The following LHFPL6 variants were observed in gnomAD, a reference collection of about 807,000 sequenced individuals.
The protein encoded by LHFPL6 is LHFPL tetraspan subfamily member 6 protein.
LHFPL6 carries 9 observed loss-of-function variants against 20.6 expected under a neutral mutation model. The observed-to-expected ratio is 0.44, with a 90% CI of 0.26 to 0.76. The LOEUF is 0.76. Ranked by LOEUF, LHFPL6 falls within the 30% of genes least tolerant of loss-of-function variation. The pLI, the probability that LHFPL6 is intolerant of heterozygous loss-of-function variation, is 0.20. For synonymous variants in LHFPL6, 105 were observed against 98.7 expected (o/e 1.06, Z -0.38); for missense variants, 218 against 253.5 (o/e 0.86, Z 0.95).
chr13:39,509,413 G>C (rs7988223), intron 2 of LHFPL6, among the ~76,000 whole-genome samples: 3,571 of 151,918 alleles, frequency 0.024, 141 homozygotes, highest in African/African-American at 0.082. Flanking sequence ...AAGTTTTATA[G>C]TTGGGGTTTG....
chr13:39,421,135 C>G lies in LHFPL6; in HGVS notation c.386-42609G>C, dbSNP rs187525026. Among the ~76,000 whole-genome samples the G allele has an allele frequency of 2.0e-5, 3 of 152,082 alleles. No individual in the cohort carries two copies. The East Asian group carries it at 5.8e-4, about 29-fold the overall frequency. ...AAACTAAATCACAAGTGTGAATGCCCGTTTACTCTCCTGTTATATCCCCTA... is the reference window on the plus strand; with the variant it reads ...AAACTAAATCACAAGTGTGAATGCCGGTTTACTCTCCTGTTATATCCCCTA... On this transcript the variant is annotated intron_variant, in intron 2 of 3. Transcript: ENST00000379589.
At chr13:39,482,448 A>AG (rs1198015525) in intron 2 of LHFPL6, among the ~76,000 whole-genome samples, 1 of 151,500 alleles carries the variant, frequency 6.6e-6, no homozygotes, top group Non-Finnish European at 1.5e-5. Context: ...ATCTTAAAAA[A>AG]AAAAAAAATT....
chr13:39,536,914 G>A (rs914698281), intron 2 of LHFPL6, among the ~76,000 whole-genome samples: 1 of 152,118 alleles, frequency 6.6e-6, no homozygotes, highest in African/African-American at 2.4e-5. Context: ...TTCAACTCCT[G>A]ACCCTTAGCT....
rs988542145 is a variant in LHFPL6, at chr13:39,460,890, A to T, written c.386-82364T>A. The stretch of plus-strand genomic sequence containing the variant: ...CATGTGCAGGTTTGTTACATGGGTA[A>T]ATTACGTGTCATGGGAGTTTGGTAT... On this transcript the variant is annotated intron_variant, in intron 2 of 3. Coordinates refer to ENST00000379589, the MANE Select transcript of LHFPL6 (RefSeq NM_005780.3). Among the ~76,000 whole-genome samples the T allele has an allele frequency of 1.6e-4, 24 of 152,068 alleles. 1 individual carries two copies. Among genetic ancestry groups the T allele is most frequent in the African/African-American group, 4.8e-4 (20 of 41,398 alleles).
chr13:39,388,678 G>A (rs144788357), intron 2 of LHFPL6, among the ~76,000 whole-genome samples: 2 of 152,276 alleles, frequency 1.3e-5, no homozygotes, highest in Non-Finnish European at 2.9e-5. Context: ...AAACAAAGTA[G>A]ACCATCATTA....
chr13:39,405,211 G>A (rs540873311), intron 2 of LHFPL6, among the ~76,000 whole-genome samples: 53 of 152,240 alleles, frequency 3.5e-4, no homozygotes, highest in Middle Eastern at 3.4e-3. Flanking sequence ...TATAAATCAC[G>A]TAGTACAGGC....
intron 2 of LHFPL6, among the ~76,000 whole-genome samples, chr13:39,546,830 CT>C (rs1392568198): frequency 6.6e-6 from 1 of 152,078 alleles, no homozygotes; most frequent in East Asian, 1.9e-4. Context: ...CCAAATTTCT[CT>C]GCTTCCAGTC....
At chr13:39,449,674 T>A (rs1051703275) in intron 2 of LHFPL6, among the ~76,000 whole-genome samples, 7 of 152,118 alleles carry the variant, frequency 4.6e-5, no homozygotes, top group African/African-American at 1.7e-4. Context: ...TTGAGCCAAA[T>A]CATCTAAGCA....
Position 39,601,319 on chromosome 13 carries a change from C to T in LHFPL6, c.-103G>A. 1 of 1,183,912 alleles carries T rather than the reference C, an allele frequency of 8.4e-7. No homozygotes were observed. Among genetic ancestry groups the T allele is most frequent in the African/African-American group, 1.5e-5 (1 of 65,816 alleles). The allele number at this position is 1,183,912 out of a possible 1,614,324, so 73.3% of individuals were successfully genotyped here. A position where few individuals can be genotyped will look rare whatever the true frequency, so the allele number is the denominator to read the frequency against. ...AGGGACCCACAGATAATCCACAGTT[C>T]CGTAATGCAGAATGGATCTTCAGTC... On this transcript the variant is annotated 5_prime_UTR_variant, in exon 2 of 4. Transcript: ENST00000379589.
At chr13:39,539,741 A>G (rs1870738420) in intron 2 of LHFPL6, among the ~76,000 whole-genome samples, 1 of 152,238 alleles carries the variant, frequency 6.6e-6, no homozygotes, top group Admixed American at 6.5e-5. Flanking sequence ...TCCTTTAAGA[A>G]TGATTTCCAC....
intron 2 of LHFPL6, among the ~76,000 whole-genome samples, chr13:39,569,136 T>TGGATGGAC (rs137997130): frequency 0.082 from 3,499 of 42,668 alleles, 54 homozygotes; most frequent in African/African-American, 0.11. Flanking sequence ...CACGGATGGA[T>TGGATGGAC]GGATGGATGG....
chr13:39,513,354 C>G (rs1161624777), intron 2 of LHFPL6, among the ~76,000 whole-genome samples: 2 of 152,224 alleles, frequency 1.3e-5, no homozygotes, highest in African/African-American at 4.8e-5. Context: ...CAGCCTTCAT[C>G]TCTTATACTC....
chr13:39,404,707 C>T (rs1871075621), intron 2 of LHFPL6, among the ~76,000 whole-genome samples: 1 of 152,202 alleles, frequency 6.6e-6, no homozygotes, highest in African/African-American at 2.4e-5. Flanking sequence ...TGAGCTCCAT[C>T]TCATAGCTTT....
At chr13:39,550,310 C>G (rs73466858) in intron 2 of LHFPL6, among the ~76,000 whole-genome samples, 2,630 of 152,078 alleles carry the variant, frequency 0.017, 86 homozygotes, top group African/African-American at 0.061. Context: ...GTGATGGATC[C>G]ATGTTATATC....
At chr13:39,485,120 C>T (rs371738240) in intron 2 of LHFPL6, among the ~76,000 whole-genome samples, 1 of 152,090 alleles carries the variant, frequency 6.6e-6, no homozygotes, top group African/African-American at 2.4e-5. Context: ...TCAGTGACCA[C>T]TCAGGAAATA....
chr13:39,488,830 G>A (rs1252436797), intron 2 of LHFPL6, among the ~76,000 whole-genome samples: 3 of 151,870 alleles, frequency 2.0e-5, no homozygotes, highest in African/African-American at 4.8e-5. Flanking sequence ...AGCATAAGAC[G>A]TCAAAAATCA....
Position 39,366,259 on chromosome 13 carries a change from G to A in LHFPL6, c.484+12169C>T, listed in dbSNP as rs190901503. Reference sequence around the variant, plus strand: ...GGGAGTGTCTCTAACTACTTATGTGGATTCTACCAATCCACAATCTTGAGT... The same window carrying A: ...GGGAGTGTCTCTAACTACTTATGTGAATTCTACCAATCCACAATCTTGAGT... On this transcript the variant is annotated intron_variant, in intron 3 of 3. Coordinates refer to ENST00000379589, the MANE Select transcript of LHFPL6 (RefSeq NM_005780.3). Among the ~76,000 whole-genome samples the A allele has an allele frequency of 3.5e-4, 53 of 152,288 alleles. 1 individual carries two copies. The East Asian group carries it at 8.3e-3, about 24-fold the overall frequency.
chr13:39,542,798 G>A (rs532826403), intron 2 of LHFPL6, among the ~76,000 whole-genome samples: 11 of 152,286 alleles, frequency 7.2e-5, no homozygotes, highest in Non-Finnish European at 1.2e-4. Flanking sequence ...GTGCTAAGTC[G>A]CATGGGTCAT....
intron 2 of LHFPL6, among the ~76,000 whole-genome samples, chr13:39,519,824 C>G (rs1870049692): frequency 6.6e-6 from 1 of 151,932 alleles, no homozygotes; most frequent in East Asian, 1.9e-4. Context: ...ATGAAACACT[C>G]TGGGTATTAC....
Sources: allele counts gnomAD v4.1 joint callset (sites outside exome capture counted in the v4.1 genomes callset), GRCh38; gene constraint gnomAD v4.1.1; transcripts MANE v1.5; gene names NCBI Gene and HGNC (gene_info 2026-07-23, HGNC 2026-07-21).